GALNS: variants seen among roughly 807,000 people sequenced by gnomAD.
The protein encoded by GALNS is N-acetylgalactosamine-6-sulfatase.
In GALNS, 65 loss-of-function variants were observed where a neutral mutation model predicts 65.9. That is an observed-to-expected ratio of 0.99 (90% CI 0.81 to 1.21). GALNS has a LOEUF of 1.21. GALNS is among the 50% of genes most tolerant of loss of function. GALNS has a pLI of 0.00. For synonymous variants in GALNS, 346 were observed against 288.9 expected (o/e 1.20, Z -2.00); for missense variants, 776 against 700.7 (o/e 1.11, Z -1.21).
intron 9 of GALNS, among the ~76,000 whole-genome samples, chr16:88,829,873 C>T (rs1316269015): frequency 6.6e-6 from 1 of 152,174 alleles, no homozygotes; most frequent in African/African-American, 2.4e-5. Context: ...ATCAGCGAGG[C>T]TCGAAACAGG....
intron 10 of GALNS, among the ~76,000 whole-genome samples, chr16:88,825,549 TG>T (rs1910788544): frequency 2.4e-5 from 2 of 82,554 alleles, no homozygotes; most frequent in East Asian, 1.7e-3. Flanking sequence ...CTGGGGTGCC[TG>T]GGTGTCCGGG....
rs1464185349 is a variant in GALNS at position 88,837,830 on chromosome 16, C to T, written c.423-65G>A. The T allele has an allele frequency of 4.6e-6, 7 of 1,537,998 alleles. No individual in the cohort carries two copies. The Admixed American group carries it at 1.2e-4, about 26-fold the overall frequency. On this transcript the variant is annotated intron_variant, in intron 4 of 13. Transcript: ENST00000268695. The stretch of plus-strand genomic sequence containing the variant: ...GGGGACACTCGGAAGTTCTGAGCAG[C>T]AACAGATACCACCTTCACAAAATTC...
chr16:88,856,924 G>C lies in GALNS; in HGVS notation c.-47C>G. ...GCCCCGGCCAGCGAGCCGACCTAGC[G>C]AGCGTCCGCCGGCCCTTCCGGCTGG... On this transcript the variant is annotated 5_prime_UTR_variant, in exon 1 of 14. Transcript: ENST00000268695. The C allele has an allele frequency of 2.0e-6, 3 of 1,482,778 alleles. No individual in the cohort carries two copies. The highest frequency in any genetic ancestry group is 1.8e-6 in the Non-Finnish European group (2 of 1,124,926). The allele number at this position is 1,482,778 out of a possible 1,614,324, so 91.9% of individuals were successfully genotyped here.
intron 8 of GALNS, among the ~76,000 whole-genome samples, chr16:88,834,643 C>CCCCG (rs1491526448): frequency 1.2e-5 from 1 of 82,250 alleles, no homozygotes. Flanking sequence ...GGCCCCCCCC[C>CCCCG]GCGTGGTCTG....
intron 1 of GALNS, among the ~76,000 whole-genome samples, chr16:88,847,084 C>G (rs970051134): frequency 8.5e-5 from 13 of 152,196 alleles, no homozygotes; most frequent in African/African-American, 2.9e-4. Context: ...AGGAGGAACG[C>G]AAACAGCTCC....
Position 88,836,077 on chromosome 16 carries a change from G to A in GALNS, c.633+124C>T, listed in dbSNP as rs1226698491. 3.3e-5 allele frequency: 36 copies of A among 1,102,928 alleles called. 1 individual carries two copies. Among genetic ancestry groups the A allele is most frequent in the Admixed American group, 1.0e-4 (5 of 49,638 alleles). 68.3% of individuals were successfully genotyped at this position (1,102,928 alleles called of 1,614,324 possible). On this transcript the variant is annotated intron_variant, in intron 6 of 13. Transcript: ENST00000268695. ...ACGGGGCGAGGGTGATGAGGTCCCT[G>A]AACCCATGCCTCCCACGGGGTGAGG...
At chr16:88,842,628 G>A (rs1056682360) in intron 2 of GALNS, 78 bp downstream of exon 2, 21 of 1,553,722 alleles carry the variant, frequency 1.4e-5, no homozygotes, top group South Asian at 2.3e-5. Flanking sequence ...GCCGCCCAGA[G>A]TCAGGGCTGG....
chr16:88,822,248 G>A (rs1310624992), intron 12 of GALNS, among the ~76,000 whole-genome samples: 1 of 152,198 alleles, frequency 6.6e-6, no homozygotes, highest in Non-Finnish European at 1.5e-5. Flanking sequence ...CCTGCTAGCT[G>A]ACCTGTGTCC....
At chr16:88,855,294 G>A (rs1938959671) in intron 1 of GALNS, 3 of 699,790 alleles carry the variant, frequency 4.3e-6, no homozygotes, top group African/African-American at 3.5e-5. Flanking sequence ...GCAGAGCCCA[G>A]CTCATCCAGC....
Position 88,835,739 on chromosome 16 carries a change from G to C in GALNS, c.744C>G (p.Thr248=), listed in dbSNP as rs763766298. The change falls in exon 7 of 14, where the codon ACC becomes ACG. Residue 248 remains threonine, a synonymous_variant. Coordinates refer to ENST00000268695, the MANE Select transcript of GALNS (RefSeq NM_000512.5). ...PVYASKPFLG[T]SQRGRYGDAV... ...CCAGGACTCACCGCCCTCGCTGACT[G>C]GTGCCCAAGAAGGGTTTGGAGGCAT... is the stretch of plus-strand genomic sequence containing the variant. 3.1e-6 allele frequency: 5 copies of C among 1,614,090 alleles called. No homozygotes were observed. Among genetic ancestry groups the C allele is most frequent in the Admixed American group, 3.3e-5 (2 of 60,026 alleles).
At chr16:88,833,983 G>A (rs534761849) in intron 8 of GALNS, among the ~76,000 whole-genome samples, 7 of 152,214 alleles carry the variant, frequency 4.6e-5, no homozygotes, top group Non-Finnish European at 1.0e-4. Flanking sequence ...GCCCCCCCGG[G>A]CTCCCCATGG....
rs570481000 is a variant in GALNS, at chr16:88,823,446, G to T, written c.1243-736C>A. On this transcript the variant is annotated intron_variant, in intron 11 of 13. Transcript: ENST00000268695. ...CCAGAGCGGGTGCTGCAGGCCAAGGGGCTCGTCCGAGGACTGTGCCCAGGA... is the reference window on the plus strand; with the variant it reads ...CCAGAGCGGGTGCTGCAGGCCAAGGTGCTCGTCCGAGGACTGTGCCCAGGA... Among the ~76,000 whole-genome samples the T allele has an allele frequency of 3.3e-5, 5 of 152,388 alleles. No individual in the cohort carries two copies. The South Asian group carries it at 1.0e-3, about 32-fold the overall frequency.
At chr16:88,852,841 G>C (rs1567545925) in intron 1 of GALNS, among the ~76,000 whole-genome samples, 1 of 152,230 alleles carries the variant, frequency 6.6e-6, no homozygotes, top group Non-Finnish European at 1.5e-5. Flanking sequence ...TATAATCCCA[G>C]CTACTCAGGA....
chr16:88,850,764 G>A (rs1421945115), intron 1 of GALNS, among the ~76,000 whole-genome samples: 1 of 152,260 alleles, frequency 6.6e-6, no homozygotes, highest in East Asian at 1.9e-4. Context: ...TGACGGGGAA[G>A]CTGTGCGAGA....
At chr16:88,820,832 C>T (rs1030172314) in intron 12 of GALNS, among the ~76,000 whole-genome samples, 16 of 152,220 alleles carry the variant, frequency 1.1e-4, no homozygotes, top group African/African-American at 3.9e-4. Context: ...GTCCCTGGAG[C>T]GACCAGCCTG....
At chr16:88,827,149 C>T (rs779618239) in intron 9 of GALNS, 15 of 506,130 alleles carry the variant, frequency 3.0e-5, no homozygotes, top group South Asian at 4.1e-5. Flanking sequence ...CCCACCTGTC[C>T]GGAGAGGATC....
At chr16:88,853,540 G>A (rs1410902036) in intron 1 of GALNS, among the ~76,000 whole-genome samples, 2 of 152,182 alleles carry the variant, frequency 1.3e-5, no homozygotes, top group Non-Finnish European at 2.9e-5. Context: ...CACTTCCTCT[G>A]TGGTCAGGGC....
intron 1 of GALNS, chr16:88,845,547 G>A (rs1967206000): frequency 6.6e-6 from 1 of 152,030 alleles, no homozygotes; most frequent in African/African-American, 2.4e-5. Context: ...AGGAGTTCGA[G>A]ACCAGCCTGG....
At chr16:88,824,646 G>A in intron 11 of GALNS, 121 bp downstream of exon 11, 1 of 788,916 alleles carries the variant, frequency 1.3e-6, no homozygotes, top group Non-Finnish European at 2.2e-6. Flanking sequence ...AGAAGGCTGT[G>A]GAGGGGGTGG....
Sources: allele counts gnomAD v4.1 joint callset (sites outside exome capture counted in the v4.1 genomes callset), GRCh38; gene constraint gnomAD v4.1.1; transcripts MANE v1.5; gene names NCBI Gene and HGNC (gene_info 2026-07-23, HGNC 2026-07-21).